Variants in SPMIP2 observed in about 807,000 individuals in gnomAD.
The protein encoded by SPMIP2 is protein SPMIP2.
chr4:158,949,407 C>G, the SPMIP2 span, among the ~76,000 whole-genome samples: 1 of 152,310 alleles, frequency 6.6e-6, no homozygotes, highest in Admixed American at 6.5e-5. Flanking sequence ...TTTAACAACA[C>G]TATCTATACA....
the SPMIP2 span, among the ~76,000 whole-genome samples, chr4:159,021,647 C>T: frequency 6.6e-6 from 1 of 152,194 alleles, no homozygotes; most frequent in Non-Finnish European, 1.5e-5. Flanking sequence ...TACTGCAAAT[C>T]CTGATTTCTA....
the SPMIP2 span, among the ~76,000 whole-genome samples, chr4:159,032,669 A>G: frequency 1.3e-5 from 2 of 152,236 alleles, no homozygotes; most frequent in Admixed American, 1.3e-4. Flanking sequence ...GATGAAAATT[A>G]AAACTTTAAA....
the SPMIP2 span, among the ~76,000 whole-genome samples, chr4:158,987,392 A>T: frequency 1.3e-5 from 2 of 152,086 alleles, no homozygotes; most frequent in African/African-American, 2.4e-5. Flanking sequence ...CAAATGTCCA[A>T]CAATGATAGA....
chr4:159,006,359 G>A, the SPMIP2 span, among the ~76,000 whole-genome samples: 6 of 152,114 alleles, frequency 3.9e-5, no homozygotes, highest in Admixed American at 2.6e-4. Flanking sequence ...CCATGTTTAC[G>A]CGAGATGAAA....
the SPMIP2 span, among the ~76,000 whole-genome samples, chr4:158,987,855 C>G: frequency 2.0e-5 from 3 of 151,868 alleles, no homozygotes; most frequent in Non-Finnish European, 4.4e-5. Context: ...CAAGAGCAAA[C>G]AAATTCAAAA....
the SPMIP2 span, among the ~76,000 whole-genome samples, chr4:159,000,941 G>A: frequency 6.6e-6 from 1 of 152,050 alleles, no homozygotes; most frequent in Non-Finnish European, 1.5e-5. Context: ...TTCAATTTGG[G>A]GCTGTATAAA....
At chr4:158,989,087 A>G in the SPMIP2 span, among the ~76,000 whole-genome samples, 2 of 152,192 alleles carry the variant, frequency 1.3e-5, no homozygotes, top group Non-Finnish European at 2.9e-5. Flanking sequence ...CTGTACACCA[A>G]TAACAGACAA....
At chr4:159,049,825 T>A in the SPMIP2 span, among the ~76,000 whole-genome samples, 1 of 152,252 alleles carries the variant, frequency 6.6e-6, no homozygotes, top group African/African-American at 2.4e-5. Context: ...GTCTGGAAAA[T>A]AGGGTTTGAC....
At chr4:158,993,331 C>T in the SPMIP2 span, among the ~76,000 whole-genome samples, 103 of 151,812 alleles carry the variant, frequency 6.8e-4, no homozygotes, top group Non-Finnish European at 1.1e-3. Flanking sequence ...CATGCCACTG[C>T]ACTCCAGCCT....
the SPMIP2 span, among the ~76,000 whole-genome samples, chr4:159,023,930 G>A: frequency 6.6e-6 from 1 of 152,170 alleles, no homozygotes; most frequent in Admixed American, 6.5e-5. Context: ...AGGTTTCCCA[G>A]GGCTGTTGTA....
At chr4:159,010,342 C>G in the SPMIP2 span, among the ~76,000 whole-genome samples, 2 of 152,308 alleles carry the variant, frequency 1.3e-5, no homozygotes, top group East Asian at 3.9e-4. Flanking sequence ...CAAAATATTT[C>G]CAGTAACAAA....
the SPMIP2 span, chr4:159,034,911 C>CAAACAA: frequency 4.1e-6 from 3 of 730,612 alleles, no homozygotes; most frequent in Admixed American, 3.0e-5. Flanking sequence ...ACCCAAAAAA[C>CAAACAA]AAACAAAAAC....
At chr4:158,921,939 G>T in the SPMIP2 span, among the ~76,000 whole-genome samples, 2 of 144,836 alleles carry the variant, frequency 1.4e-5, no homozygotes, top group African/African-American at 5.2e-5. Context: ...CCTGGCTGGA[G>T]TGCAGTGGTG....
At chr4:159,030,165 C>A in the SPMIP2 span, among the ~76,000 whole-genome samples, 3 of 152,138 alleles carry the variant, frequency 2.0e-5, no homozygotes, top group African/African-American at 7.2e-5. Context: ...GCAATCCCAG[C>A]ACTTTGGGAG....
chr4:159,007,863 C>T, the SPMIP2 span: 1 of 531,424 alleles, frequency 1.9e-6, no homozygotes, highest in South Asian at 1.4e-5. Flanking sequence ...AAATAAATGA[C>T]CTATATGTTG....
chr4:158,955,846 C>T, the SPMIP2 span, among the ~76,000 whole-genome samples: 2 of 152,166 alleles, frequency 1.3e-5, no homozygotes, highest in South Asian at 4.1e-4. Context: ...AAAAATATGC[C>T]TTCGAATGGA....
the SPMIP2 span, among the ~76,000 whole-genome samples, chr4:158,917,527 T>G: frequency 6.6e-6 from 1 of 151,970 alleles, no homozygotes; most frequent in African/African-American, 2.4e-5. Context: ...TTCCCCTCGA[T>G]GAGCTCCAAA....
chr4:158,914,737 A>G, the SPMIP2 span, among the ~76,000 whole-genome samples: 1 of 152,234 alleles, frequency 6.6e-6, no homozygotes, highest in Non-Finnish European at 1.5e-5. Context: ...CATACAGGGA[A>G]ATTATGCAAC....
At chr4:158,930,030 C>T in the SPMIP2 span, among the ~76,000 whole-genome samples, 7 of 152,128 alleles carry the variant, frequency 4.6e-5, no homozygotes, top group African/African-American at 1.7e-4. Context: ...CTTTCATTTT[C>T]GAGGCATAAA....
Sources: allele counts gnomAD v4.1 joint callset (sites outside exome capture counted in the v4.1 genomes callset), GRCh38; gene constraint gnomAD v4.1.1; transcripts MANE v1.5; gene names NCBI Gene and HGNC (gene_info 2026-07-23, HGNC 2026-07-21).